Variants in RPH3A observed in about 807,000 individuals in gnomAD.
The protein encoded by RPH3A is rabphilin 3A, also known as rabphilin-3A.
RPH3A carries 48 observed loss-of-function variants against 102.2 expected under a neutral mutation model. The observed-to-expected ratio is 0.47, with a 90% CI of 0.37 to 0.60. The LOEUF (loss-of-function observed/expected upper bound fraction) is 0.60. Ranked by LOEUF, RPH3A falls within the 20% of genes least tolerant of loss-of-function variation. The pLI, the probability that RPH3A is intolerant of heterozygous loss-of-function variation, is 0.00. For missense variants in RPH3A, 781 were observed against 910.1 expected, an observed-to-expected ratio of 0.86 and a Z score of 1.83; for synonymous variants, 310 against 324.3, an observed-to-expected ratio of 0.96 and a Z score of 0.47.
Position 112,825,434 on chromosome 12 carries a change from G to A in RPH3A, c.-18-2867G>A, listed in dbSNP as rs539747837. On this transcript the variant is annotated intron_variant, in intron 2 of 21. Transcript: ENST00000389385. ...CCCAAGTTATCTATTCAGCGTCACA[G>A]GAAACAAGACCTACAGGGAAATCAG... 4.6e-5 allele frequency among the ~76,000 whole-genome samples: 7 copies of A among 152,098 alleles called. No homozygotes were observed. The South Asian group carries it at 8.3e-4, about 18-fold the overall frequency.
At chr12:112,779,529 T>C (rs1475797701) in intron 1 of RPH3A, among the ~76,000 whole-genome samples, 2 of 152,226 alleles carry the variant, frequency 1.3e-5, no homozygotes, top group Non-Finnish European at 2.9e-5. Flanking sequence ...ATCATATAGA[T>C]TAAAAAGTGT....
chr12:112,781,290 C>T lies in RPH3A; in HGVS notation c.-139-10853C>T, dbSNP rs576946769. ...ACAGGCATTTCCAAGTGCAGCCAGA[C>T]TTGTGTCCCTTGGGATTTTCTCTCT... On this transcript the variant is annotated intron_variant, in intron 1 of 21. Transcript: ENST00000543106. Among the ~76,000 whole-genome samples, 6 of 152,322 alleles carry T rather than the reference C, an allele frequency of 3.9e-5. No individual in the cohort carries two copies. In the East Asian group the frequency reaches 7.7e-4, roughly 20 times the overall value.
intron 2 of RPH3A, among the ~76,000 whole-genome samples, chr12:112,813,946 T>TTGTGTGTGTGTGTG (rs112069714): frequency 1.3e-5 from 2 of 148,588 alleles, no homozygotes; most frequent in South Asian, 2.2e-4. Flanking sequence ...GTTTGTATGA[T>TTGTGTGTGTGTGTG]TGTGTGTGTG....
intron 1 of RPH3A, among the ~76,000 whole-genome samples, chr12:112,696,227 A>G (rs2040350980): frequency 6.6e-6 from 1 of 151,668 alleles, no homozygotes; most frequent in Non-Finnish European, 1.5e-5. Flanking sequence ...TTCTTTATCC[A>G]CTCGTTGGTT....
intron 13 of RPH3A, among the ~76,000 whole-genome samples, chr12:112,877,751 G>T (rs2042833691): frequency 6.6e-6 from 1 of 152,174 alleles, no homozygotes; most frequent in African/African-American, 2.4e-5. Flanking sequence ...CTTCTGGGAA[G>T]GTGCTTCATA....
At chr12:112,788,624 A>C (rs938844712), upstream of RPH3A, among the ~76,000 whole-genome samples, 1 of 152,226 alleles carries the variant, frequency 6.6e-6, no homozygotes, top group African/African-American at 2.4e-5. Flanking sequence ...TGCTTAGTAC[A>C]ATGCGTGACA....
chr12:112,590,032 G>A (rs555092944), intron 1 of RPH3A, among the ~76,000 whole-genome samples: 2 of 150,184 alleles, frequency 1.3e-5, no homozygotes, highest in Non-Finnish European at 2.9e-5. Context: ...GCAGTGAGCT[G>A]AGATCATGCC....
At chr12:112,890,406 A>G (rs960446929) in intron 18 of RPH3A, among the ~76,000 whole-genome samples, 5 of 152,216 alleles carry the variant, frequency 3.3e-5, no homozygotes, top group East Asian at 1.9e-4. Flanking sequence ...AGCTGTGTGC[A>G]TGGCAGAAAC....
At chr12:112,883,569 A>G (rs2042960184) in intron 16 of RPH3A, among the ~76,000 whole-genome samples, 167 bp downstream of exon 16, 1 of 152,138 alleles carries the variant, frequency 6.6e-6, no homozygotes, top group Non-Finnish European at 1.5e-5. Flanking sequence ...TATATTTGGT[A>G]GAACTTTTGG....
At chr12:112,653,180 C>T (rs2039987741) in intron 1 of RPH3A, among the ~76,000 whole-genome samples, 1 of 151,960 alleles carries the variant, frequency 6.6e-6, no homozygotes, top group African/African-American at 2.4e-5. Context: ...CACTTGAGGT[C>T]AGGAGTTCGA....
At chr12:112,881,726 C>A in intron 14 of RPH3A, 46 bp from the exon 15 acceptor site, 3 of 1,424,920 alleles carry the variant, frequency 2.1e-6, no homozygotes, top group Non-Finnish European at 2.9e-6. Context: ...CAGCTGAGCA[C>A]TGGGCCCTCC....
chr12:112,605,208 C>T (rs1221334714), intron 1 of RPH3A, among the ~76,000 whole-genome samples: 1 of 152,116 alleles, frequency 6.6e-6, no homozygotes, highest in Non-Finnish European at 1.5e-5. Flanking sequence ...AACCCCATCT[C>T]TACCAAAAAT....
At chr12:112,831,096 G>A (rs1235265501) in intron 3 of RPH3A, among the ~76,000 whole-genome samples, 1 of 140,092 alleles carries the variant, frequency 7.1e-6, no homozygotes, top group Non-Finnish European at 1.5e-5. Flanking sequence ...ACATAAGTGG[G>A]CATGGCATTT....
chr12:112,707,186 A>AT (rs2040432172), intron 1 of RPH3A, among the ~76,000 whole-genome samples: 1 of 152,140 alleles, frequency 6.6e-6, no homozygotes, highest in Non-Finnish European at 1.5e-5. Context: ...TAAAAAAATC[A>AT]TTTGAAAATG....
chr12:112,831,839 G>T (rs1418108312), intron 3 of RPH3A: 1 of 455,658 alleles, frequency 2.2e-6, no homozygotes, highest in African/African-American at 2.0e-5. Flanking sequence ...CTCTGTAGAT[G>T]GTTTTTCCTT....
At chr12:112,693,275 C>T (rs1406585498) in intron 1 of RPH3A, among the ~76,000 whole-genome samples, 1 of 152,192 alleles carries the variant, frequency 6.6e-6, no homozygotes, top group East Asian at 1.9e-4. Flanking sequence ...GTTTTGACAT[C>T]AGAAGCAGAG....
At chr12:112,607,844 T>C (rs547237303) in intron 1 of RPH3A, among the ~76,000 whole-genome samples, 1 of 152,326 alleles carries the variant, frequency 6.6e-6, no homozygotes, top group African/African-American at 2.4e-5. Context: ...TGCACTGTTC[T>C]TTGCTCGACA....
chr12:112,697,048 C>T (rs565496671), intron 1 of RPH3A, among the ~76,000 whole-genome samples: 36 of 152,170 alleles, frequency 2.4e-4, no homozygotes, highest in African/African-American at 8.7e-4. Flanking sequence ...TAATAACTGA[C>T]TACTGAAAGC....
intron 1 of RPH3A, among the ~76,000 whole-genome samples, chr12:112,765,358 A>G (rs2040881504): frequency 6.6e-6 from 1 of 151,954 alleles, no homozygotes; most frequent in African/African-American, 2.4e-5. Flanking sequence ...GGCTCTGACA[A>G]GTTACAAGAG....
Sources: allele counts gnomAD v4.1 joint callset (sites outside exome capture counted in the v4.1 genomes callset), GRCh38; gene constraint gnomAD v4.1.1; transcripts MANE v1.5; gene names NCBI Gene and HGNC (gene_info 2026-07-23, HGNC 2026-07-21).